Variants in MYO5A observed in about 807,000 individuals in gnomAD.
The protein encoded by MYO5A is myosin VA.
MYO5A carries 98 observed loss-of-function variants against 249.7 expected under a neutral mutation model. The observed-to-expected ratio is 0.39, with a 90% confidence interval of 0.33 to 0.46. The LOEUF is 0.46. Among genes scored for constraint, MYO5A ranks in the 20% least tolerant of loss-of-function variants. The pLI, the probability that MYO5A is intolerant of heterozygous loss-of-function variation, is 0.98. For missense variants in MYO5A, 1,696 were observed against 2,308.8 expected (o/e 0.73, Z 5.44); for synonymous variants, 778 against 810.6 (o/e 0.96, Z 0.68).
chr15:52,440,990 G>C (rs928060185), intron 1 of MYO5A, among the ~76,000 whole-genome samples: 2 of 152,172 alleles, frequency 1.3e-5, no homozygotes, highest in East Asian at 1.9e-4. Flanking sequence ...ATTCAATCAA[G>C]CATATTACAA....
intron 1 of MYO5A, among the ~76,000 whole-genome samples, chr15:52,485,567 C>A (rs1410888063): frequency 6.6e-6 from 1 of 152,050 alleles, no homozygotes; most frequent in East Asian, 1.9e-4. Context: ...GAAATAAAAA[C>A]ATGAATCAGC....
At chr15:52,473,901 T>C (rs1465418939) in intron 1 of MYO5A, among the ~76,000 whole-genome samples, 1 of 152,224 alleles carries the variant, frequency 6.6e-6, no homozygotes, top group Non-Finnish European at 1.5e-5. Context: ...ATATGAACTT[T>C]AAAGTAGTTT....
chr15:52,436,873 A>G (rs10518691), intron 1 of MYO5A, among the ~76,000 whole-genome samples: 22,470 of 152,276 alleles, frequency 0.15, 1,793 homozygotes, highest in Middle Eastern at 0.22. Context: ...AGAGTATGGA[A>G]TTAGACTATG....
Position 52,410,456 on chromosome 15 carries a change from T to G in MYO5A, c.633A>C (p.Thr211=). ...PIMESIGNAK[T]TRNDNSSRFG... is the part of the protein sequence containing the mutation. ...AACGGCTGCTATTATCATTCCTGGT[T>G]GTTTTAGCATTTCCAATGGACTAAA... Residue 211 remains threonine, a synonymous_variant, in exon 6 of 42, where the codon ACA becomes ACC. Transcript: ENST00000399233. 1 of 1,613,670 alleles carries G rather than the reference T, an allele frequency of 6.2e-7. No individual in the cohort carries two copies. Among genetic ancestry groups the G allele is most frequent in the Non-Finnish European group, 8.5e-7 (1 of 1,179,624 alleles).
intron 1 of MYO5A, among the ~76,000 whole-genome samples, chr15:52,453,714 A>C (rs1005894774): frequency 2.0e-5 from 3 of 152,134 alleles, no homozygotes; most frequent in African/African-American, 7.2e-5. Context: ...ATGGAATTAG[A>C]TTATAGAGGT....
intron 1 of MYO5A, among the ~76,000 whole-genome samples, chr15:52,490,549 T>C (rs1477276439): frequency 6.6e-6 from 1 of 152,188 alleles, no homozygotes; most frequent in Non-Finnish European, 1.5e-5. Flanking sequence ...ACTATATGAT[T>C]CCACTTATAT....
chr15:52,454,787 T>C (rs966801901), intron 1 of MYO5A, among the ~76,000 whole-genome samples: 3 of 152,064 alleles, frequency 2.0e-5, no homozygotes, highest in Non-Finnish European at 4.4e-5. Flanking sequence ...AAAACGGTAA[T>C]ACAACATACC....
intron 1 of MYO5A, among the ~76,000 whole-genome samples, chr15:52,455,082 T>C (rs978172008): frequency 1.1e-4 from 17 of 150,962 alleles, no homozygotes; most frequent in African/African-American, 4.1e-4. Context: ...AAGGCTAAGA[T>C]AAAAAGAGAG....
intron 27 of MYO5A, among the ~76,000 whole-genome samples, chr15:52,353,205 G>A (rs1398310296): frequency 6.6e-6 from 1 of 152,174 alleles, no homozygotes; most frequent in Middle Eastern, 3.2e-3. Flanking sequence ...AATACTTTGT[G>A]AATCCAGGCT....
chr15:52,341,117 T>G (rs1336027527), intron 31 of MYO5A, among the ~76,000 whole-genome samples: 2 of 152,208 alleles, frequency 1.3e-5, no homozygotes, highest in African/African-American at 4.8e-5. Context: ...AAGGCCAACA[T>G]TATAAACTTC....
chr15:52,380,709 G>T (rs2041694071), intron 16 of MYO5A, among the ~76,000 whole-genome samples: 1 of 152,184 alleles, frequency 6.6e-6, no homozygotes, highest in Non-Finnish European at 1.5e-5. Context: ...AGAGGTTGCA[G>T]TGAGCCGAGA....
At chr15:52,377,220 G>A (rs1008062336) in intron 18 of MYO5A, among the ~76,000 whole-genome samples, 58 of 152,030 alleles carry the variant, frequency 3.8e-4, no homozygotes, top group East Asian at 1.9e-4. Context: ...TCAGGAGATC[G>A]AGAACATCCT....
rs1177628296 is a variant in MYO5A at position 52,528,870 on chromosome 15, C to G, written c.-64G>C. On this transcript the variant is annotated 5_prime_UTR_variant, in exon 1 of 42. Coordinates refer to ENST00000399233, the MANE Select transcript of MYO5A (RefSeq NM_001382347.1). ...GGCCGCACCTCGCCTGGGCGGCCGC[C>G]CGAGCGGACTAGGAAGCGCCCGCAG... The G allele has an allele frequency of 3.0e-5, 43 of 1,410,810 alleles. No individual in the cohort carries two copies. Among genetic ancestry groups the G allele is most frequent in the Non-Finnish European group, 3.7e-5 (40 of 1,084,998 alleles). 87.4% of individuals were successfully genotyped at this position (1,410,810 alleles called of 1,614,324 possible). A position where few individuals can be genotyped will look rare whatever the true frequency, so the allele number is the denominator to read the frequency against.
chr15:52,466,144 T>C (rs1595734941), intron 1 of MYO5A, among the ~76,000 whole-genome samples: 1 of 152,160 alleles, frequency 6.6e-6, no homozygotes, highest in Admixed American at 6.5e-5. Flanking sequence ...TCCTTCAGAC[T>C]GGACACCTAC....
chr15:52,399,015 TAA>T (rs1197444295), intron 9 of MYO5A, among the ~76,000 whole-genome samples: 4 of 141,358 alleles, frequency 2.8e-5, no homozygotes, highest in Admixed American at 7.1e-5. Flanking sequence ...TTCTTAAAAT[TAA>T]AAAAAAAAAA....
chr15:52,396,261 G>A (rs1236977507), intron 11 of MYO5A, 55 bp downstream of exon 11: 1 of 1,054,568 alleles, frequency 9.5e-7, no homozygotes, highest in African/African-American at 1.6e-5. Context: ...ACAAAGACTA[G>A]GAATTCAAGA....
chr15:52,528,628 C>G (rs748438647), intron 1 of MYO5A, 152 bp downstream of exon 1: 1 of 892,590 alleles, frequency 1.1e-6, no homozygotes, highest in Admixed American at 4.3e-5. Context: ...AGCGGGCGAC[C>G]GGCTGGTAGG....
chr15:52,381,761 G>C (rs1043011065), intron 16 of MYO5A, among the ~76,000 whole-genome samples: 3 of 143,590 alleles, frequency 2.1e-5, no homozygotes, highest in Admixed American at 1.4e-4. Context: ...CCCTCCTTTT[G>C]TGTCTCTCTC....
At chr15:52,464,707 C>T (rs184315165) in intron 1 of MYO5A, among the ~76,000 whole-genome samples, 2 of 152,280 alleles carry the variant, frequency 1.3e-5, no homozygotes, top group East Asian at 3.9e-4. Context: ...CCTCATGTGC[C>T]ATGGTAGGCA....
Sources: gnomAD v4.1 joint callset for allele counts (sites outside exome capture counted in the v4.1 genomes callset) on GRCh38, gnomAD v4.1.1 for gene constraint, MANE v1.5 for transcripts, NCBI Gene and HGNC (gene_info 2026-07-23, HGNC 2026-07-21) for gene names.